The following MTFR1 variants were observed in gnomAD, a reference collection of about 807,000 sequenced individuals.
MTFR1 encodes chondrocyte protein with a poly-proline region.
MTFR1 carries 28 observed loss-of-function variants against 38.8 expected under a neutral mutation model. The observed-to-expected ratio is 0.72, with a 90% CI of 0.53 to 0.99. The LOEUF (loss-of-function observed/expected upper bound fraction) is 0.99, where lower values mean the gene tolerates loss of function less well. MTFR1 is among the 50% of genes least tolerant of loss of function. MTFR1 has a pLI of 0.00. For missense variants in MTFR1, 358 were observed against 395.5 expected (o/e 0.91, Z 0.81); for synonymous variants, 145 against 137.0 (o/e 1.06, Z -0.41).
At chr8:65,684,958 C>T (rs1805026759) in intron 3 of MTFR1, among the ~76,000 whole-genome samples, 1 of 152,018 alleles carries the variant, frequency 6.6e-6, no homozygotes, top group South Asian at 2.1e-4. Context: ...GAGCCGAGAT[C>T]GTGCCAATGC....
At chr8:65,745,546 G>T in intron 3 of MTFR1, 1 of 802,056 alleles carries the variant, frequency 1.2e-6, no homozygotes, top group Non-Finnish European at 2.1e-6. Context: ...CCATAGAGAA[G>T]TTAAAGAAAA....
At chr8:65,665,998 C>A (rs1172528361) in intron 1 of MTFR1, among the ~76,000 whole-genome samples, 3 of 152,200 alleles carry the variant, frequency 2.0e-5, no homozygotes, top group Non-Finnish European at 1.5e-5. Context: ...GTAGGTAGCA[C>A]AACAAGGGTA....
intron 3 of MTFR1, among the ~76,000 whole-genome samples, chr8:65,742,983 G>C (rs1807509436): frequency 6.6e-6 from 1 of 152,212 alleles, no homozygotes; most frequent in African/African-American, 2.4e-5. Context: ...CCCATCCAGT[G>C]CACTGCTGAG....
intron 3 of MTFR1, among the ~76,000 whole-genome samples, chr8:65,730,003 C>G (rs375830662): frequency 6.6e-6 from 1 of 151,860 alleles, no homozygotes; most frequent in Admixed American, 6.6e-5. Context: ...TGGACCGGTA[C>G]TGGTCCATGG....
chr8:65,709,127 A>G lies in MTFR1; in HGVS notation c.*83A>G. Reference sequence around the variant, plus strand: ...TTGCTAGTAGAAATCGACACTGTTTAGTAAATACCTCTTTAGTATTCAGTG... The same window carrying G: ...TTGCTAGTAGAAATCGACACTGTTTGGTAAATACCTCTTTAGTATTCAGTG... On this transcript the variant is annotated 3_prime_UTR_variant, in exon 8 of 8. Coordinates refer to ENST00000262146, the MANE Select transcript of MTFR1 (RefSeq NM_014637.4). 2.6e-6 allele frequency: 3 copies of G among 1,161,206 alleles called. No homozygotes were observed. The highest frequency in any genetic ancestry group is 3.9e-6 in the Non-Finnish European group (3 of 770,076). The allele number at this position is 1,161,206 out of a possible 1,614,324, so 71.9% of individuals were successfully genotyped here.
chr8:65,659,753 G>A (rs1340522206), intron 1 of MTFR1, among the ~76,000 whole-genome samples: 1 of 152,156 alleles, frequency 6.6e-6, no homozygotes, highest in Non-Finnish European at 1.5e-5. Context: ...AAGTTAACAG[G>A]CTAAACCTTT....
intron 2 of MTFR1, among the ~76,000 whole-genome samples, chr8:65,674,059 A>G (rs573890824): frequency 1.4e-4 from 22 of 152,248 alleles, no homozygotes; most frequent in African/African-American, 4.8e-4. Flanking sequence ...AAAAAGAACA[A>G]TATCTCTGAA....
chr8:65,722,411 A>G (rs1447107294), intron 3 of MTFR1: 2 of 152,260 alleles, frequency 1.3e-5, no homozygotes, highest in East Asian at 3.8e-4. Flanking sequence ...GCCCCATGGC[A>G]TGGTCTTCCT....
At chr8:65,661,263 A>G (rs543097511) in intron 1 of MTFR1, among the ~76,000 whole-genome samples, 6 of 152,348 alleles carry the variant, frequency 3.9e-5, no homozygotes, top group African/African-American at 9.6e-5. Flanking sequence ...GAATAAATGC[A>G]CCACTCTTGT....
At chr8:65,703,591 A>T (rs916345785) in intron 4 of MTFR1, among the ~76,000 whole-genome samples, 16 of 151,178 alleles carry the variant, frequency 1.1e-4, no homozygotes, top group African/African-American at 3.4e-4. Flanking sequence ...CTGCCACCAT[A>T]CTCAGCTAAT....
chr8:65,696,139 A>G (rs952106884), intron 4 of MTFR1, among the ~76,000 whole-genome samples: 7 of 152,206 alleles, frequency 4.6e-5, no homozygotes, highest in African/African-American at 1.7e-4. Context: ...GAAGATTATC[A>G]TTGACTTCAG....
chr8:65,670,377 TATA>T (rs1398999869), intron 2 of MTFR1, among the ~76,000 whole-genome samples: 2 of 152,202 alleles, frequency 1.3e-5, no homozygotes, highest in African/African-American at 4.8e-5. Flanking sequence ...TGAATGCTGT[TATA>T]ATGTGTTTAA....
At chr8:65,778,192 T>A in the MTFR1 span, among the ~76,000 whole-genome samples, 1 of 152,284 alleles carries the variant, frequency 6.6e-6, no homozygotes, top group African/African-American at 2.4e-5. Flanking sequence ...GGAAATGCGA[T>A]GTTATGCCAG....
intron 5 of MTFR1, among the ~76,000 whole-genome samples, chr8:65,706,302 T>C (rs143530807): frequency 2.0e-4 from 31 of 152,368 alleles, no homozygotes; most frequent in Middle Eastern, 3.4e-3. Flanking sequence ...GCTGAAACTT[T>C]TGAGTAAAAA....
intron 3 of MTFR1, 102 bp downstream of exon 3, chr8:65,682,553 C>A: frequency 1.6e-6 from 1 of 632,624 alleles, no homozygotes; most frequent in Non-Finnish European, 2.2e-6. Flanking sequence ...GACTTTTCAC[C>A]AATTGATGCC....
chr8:65,756,510 C>A (rs887175667), intron 3 of MTFR1, among the ~76,000 whole-genome samples: 1 of 152,048 alleles, frequency 6.6e-6, no homozygotes, highest in African/African-American at 2.4e-5. Flanking sequence ...TCCTTACTTC[C>A]CCCTGCTCAA....
chr8:65,689,472 A>G, intron 3 of MTFR1: 1 of 592,798 alleles, frequency 1.7e-6, no homozygotes, highest in South Asian at 2.0e-5. Context: ...TGGGTAATTT[A>G]GTGTTATTAT....
chr8:65,712,524 A>C (rs1330099961), downstream of MTFR1, among the ~76,000 whole-genome samples: 1 of 152,254 alleles, frequency 6.6e-6, no homozygotes, highest in East Asian at 1.9e-4. Context: ...GAAATTATCA[A>C]GAAATGAACT....
intron 3 of MTFR1, among the ~76,000 whole-genome samples, chr8:65,738,393 T>C (rs1585848899): frequency 6.6e-6 from 1 of 152,134 alleles, no homozygotes; most frequent in Non-Finnish European, 1.5e-5. Flanking sequence ...GAGCAGCAAA[T>C]GCAGGAGAGG....
Sources: allele counts gnomAD v4.1 joint callset (sites outside exome capture counted in the v4.1 genomes callset), GRCh38; gene constraint gnomAD v4.1.1; transcripts MANE v1.5; gene names NCBI Gene and HGNC (gene_info 2026-07-23, HGNC 2026-07-21).